ITGAV: variants seen among roughly 807,000 people sequenced by gnomAD.
ITGAV encodes the protein integrin alpha-V.
ITGAV carries 76 observed loss-of-function variants against 143.8 expected under a neutral mutation model. The observed-to-expected ratio is 0.53, with a 90% confidence interval of 0.44 to 0.64. The LOEUF (loss-of-function observed/expected upper bound fraction) is 0.64, where lower values mean the gene tolerates loss of function less well. ITGAV is among the 30% of genes least tolerant of loss of function. The probability of loss-of-function intolerance (pLI) is 0.00; values close to 1 mark genes in which losing one functional copy is unlikely to be tolerated. For missense variants in ITGAV, 1,193 were observed against 1,274.7 expected (o/e 0.94, Z 0.98); for synonymous variants, 453 against 446.7 (o/e 1.01, Z -0.18).
In ITGAV at chr2:186,668,854, T is replaced by G; in HGVS notation, c.2526T>G (p.Leu842=). 6.2e-7 allele frequency: 1 copy of G among 1,613,240 alleles called. No homozygotes were observed. Among genetic ancestry groups the G allele is most frequent in the Non-Finnish European group, 8.5e-7 (1 of 1,179,338 alleles). Residue 842 remains leucine (L), a synonymous_variant, in exon 25 of 30, where the codon CTT becomes CTG. Coordinates refer to ENST00000261023, the MANE Select transcript of ITGAV (RefSeq NM_002210.5). The stretch of plus-strand genomic sequence containing the variant: ...ATAATAACACTCTGTTGTATATCCT[T>G]CATTATGATATTGATGGACCAATGA... The part of the protein sequence containing the change: ...KYNNNTLLYI[L]HYDIDGPMNC...
At chr2:186,640,595 G>A (rs1175882330) in intron 10 of ITGAV, among the ~76,000 whole-genome samples, 1 of 152,160 alleles carries the variant, frequency 6.6e-6, no homozygotes, top group Non-Finnish European at 1.5e-5. Context: ...TGGAGAGAAA[G>A]GGAGATAGTA....
At chr2:186,623,984 A>T (rs1687606020) in intron 3 of ITGAV, among the ~76,000 whole-genome samples, 1 of 152,152 alleles carries the variant, frequency 6.6e-6, no homozygotes, top group African/African-American at 2.4e-5. Flanking sequence ...TGATTAAAAC[A>T]GTCAAGTGGC....
rs1300713321 is a variant in ITGAV, at chr2:186,656,253, A to G, written c.1571A>G (p.Gln524Arg). 3 of 1,580,588 alleles carry G rather than the reference A, an allele frequency of 1.9e-6. No individual in the cohort carries two copies. The highest frequency in any genetic ancestry group is 2.6e-6 in the Non-Finnish European group (3 of 1,168,222). Reference protein sequence around the residue: ...KGVLPRKLNFQVELLLDKLKQ... With the variant: ...KGVLPRKLNFRVELLLDKLKQ... ...AATCCTTTGGTTTACATAGATTTCC[A>G]GGTGGAACTTCTTTTGGATAAACTC... Residue 524 changes from glutamine to arginine, a missense_variant, in exon 17 of 30, where the codon CAG becomes CGG. By Grantham distance (43) the Gln-to-Arg change is conservative. Coordinates refer to ENST00000261023, the MANE Select transcript of ITGAV (RefSeq NM_002210.5).
At chr2:186,653,902 A>T (rs999256579) in intron 15 of ITGAV, among the ~76,000 whole-genome samples, 1 of 152,304 alleles carries the variant, frequency 6.6e-6, no homozygotes, top group Non-Finnish European at 1.5e-5. Flanking sequence ...TTATTAAAAA[A>T]TTTTTCTTAA....
chr2:186,661,610 T>G lies in ITGAV; in HGVS notation c.1858-2158T>G, dbSNP rs534427485. Among the ~76,000 whole-genome samples, 165 of 151,322 alleles carry G rather than the reference T, an allele frequency of 1.1e-3. 1 individual carries two copies. The highest frequency in any genetic ancestry group is 1.2e-3 in the Admixed American group (19 of 15,246). ...TTTTTTTGTTTTTGTTTTTTTTTTT[T>G]TTTTTGAGACGGAATCTTGCTCTGT... On this transcript the variant is annotated intron_variant, in intron 18 of 29. Transcript: ENST00000261023.
rs200441999 is a variant in ITGAV, at chr2:186,619,215, G to A, written c.317-3124G>A. ...AAATGTGGTGTGTGTACGTGTCTGT[G>A]TTCAGCCATAAAAAGAATGAAGTCC... On this transcript the variant is annotated intron_variant, in intron 2 of 29. Transcript: ENST00000261023. 2.0e-4 allele frequency among the ~76,000 whole-genome samples: 30 copies of A among 151,760 alleles called. No individual in the cohort carries two copies. The East Asian group carries it at 5.6e-3, about 28-fold the overall frequency.
rs552309381 is a variant in ITGAV, at chr2:186,593,814, C to A, written c.185+3291C>A. Among the ~76,000 whole-genome samples the A allele has an allele frequency of 6.6e-5, 10 of 152,106 alleles. 1 individual carries two copies. The South Asian group carries it at 2.1e-3, about 32-fold the overall frequency. On this transcript the variant is annotated intron_variant, in intron 1 of 29. Transcript: ENST00000261023. ...AGTAGAGGGTAAGGAAGGGAAGGAT[C>A]CGAAGACAGGGTGTAAAATTCAAAT... is the stretch of plus-strand genomic sequence containing the variant.
chr2:186,668,706 G>A lies in ITGAV; in HGVS notation c.2434-56G>A. On this transcript the variant is annotated intron_variant, in intron 24 of 29. Transcript: ENST00000261023. ...ATTTCTAAAGTTGATGTAGGGGAAG[G>A]ATTATGGAACAGATTTTTGCCCAAG... 4 of 1,500,424 alleles carry A rather than the reference G, an allele frequency of 2.7e-6. No homozygotes were observed. The South Asian group carries it at 4.8e-5, about 18-fold the overall frequency. The allele number at this position is 1,500,424 out of a possible 1,614,324, so 92.9% of individuals were successfully genotyped here.
At chr2:186,674,345 A>C (rs751766142) in intron 26 of ITGAV, among the ~76,000 whole-genome samples, 1 of 152,084 alleles carries the variant, frequency 6.6e-6, no homozygotes, top group Non-Finnish European at 1.5e-5. Context: ...GTATACTGAA[A>C]TATGACTCAT....
chr2:186,666,614 T>C, intron 21 of ITGAV, 90 bp from the exon 22 acceptor site: 2 of 633,386 alleles, frequency 3.2e-6, no homozygotes, highest in South Asian at 6.3e-5. Context: ...AAACCCCATT[T>C]TAGAACATTA....
At chr2:186,667,509 G>A (rs1345475647) in intron 23 of ITGAV, 162 bp from the exon 24 acceptor site, 2 of 517,598 alleles carry the variant, frequency 3.9e-6, no homozygotes, top group African/African-American at 1.9e-5. Flanking sequence ...TTTCATAAGA[G>A]CAGTTTTTGT....
chr2:186,602,176 T>G lies in ITGAV; in HGVS notation c.316+25T>G, dbSNP rs146700494. ...GGTAAATTTTGATGCACAATTTTCT[T>G]TTCATTGATTTCATTTGATTTTTTT... On this transcript the variant is annotated intron_variant, in intron 2 of 29. Coordinates refer to ENST00000261023, the MANE Select transcript of ITGAV (RefSeq NM_002210.5). 76 of 1,592,476 alleles carry G rather than the reference T, an allele frequency of 4.8e-5. No individual in the cohort carries two copies. In the African/African-American group the frequency reaches 9.6e-4, roughly 20 times the overall value.
chr2:186,602,026 T>A lies in ITGAV; in HGVS notation c.191T>A (p.Met64Lys), dbSNP rs200511786. ...DFFVPSASSR[M>K]FLLVGAPKAN... ...CTGCCGCTTTTGTATTTTAGCCGGA[T>A]GTTTCTTCTCGTGGGAGCTCCCAAA... is the stretch of plus-strand genomic sequence containing the variant. Residue 64 changes from methionine to lysine, a missense_variant, in exon 2 of 30, where the codon ATG (methionine) becomes AAG (lysine). Transcript: ENST00000261023. 1.9e-6 allele frequency: 3 copies of A among 1,608,354 alleles called. No homozygotes were observed. The highest frequency in any genetic ancestry group is 1.7e-6 in the Non-Finnish European group (2 of 1,177,738).
intron 2 of ITGAV, among the ~76,000 whole-genome samples, chr2:186,602,835 C>T (rs1393788564): frequency 6.7e-6 from 1 of 149,516 alleles, no homozygotes; most frequent in Non-Finnish European, 1.5e-5. Flanking sequence ...TGAGATTGCG[C>T]CACTGCACTC....
At chr2:186,593,810 G>A (rs1484534652) in intron 1 of ITGAV, among the ~76,000 whole-genome samples, 1 of 151,970 alleles carries the variant, frequency 6.6e-6, no homozygotes, top group Non-Finnish European at 1.5e-5. Flanking sequence ...AGGAAGGGAA[G>A]GATCCGAAGA....
At chr2:186,640,864 C>G (rs1372472697) in intron 10 of ITGAV, 51 bp from the exon 11 acceptor site, 30 of 1,414,764 alleles carry the variant, frequency 2.1e-5, no homozygotes, top group Non-Finnish European at 2.8e-5. Context: ...TGTTAATTGT[C>G]TAAACTAATT....
intron 4 of ITGAV, among the ~76,000 whole-genome samples, chr2:186,626,596 T>G (rs1687682463): frequency 6.6e-6 from 1 of 152,232 alleles, no homozygotes; most frequent in East Asian, 1.9e-4. Context: ...AAGGAACTAT[T>G]CTGTCCTCCA....
At chr2:186,607,480 T>C (rs564300462) in intron 2 of ITGAV, among the ~76,000 whole-genome samples, 6 of 152,102 alleles carry the variant, frequency 3.9e-5, no homozygotes, top group Non-Finnish European at 8.8e-5. Flanking sequence ...CCTTCCCAGA[T>C]GTCACAGGGA....
At chr2:186,674,614 C>T (rs561681080) in intron 26 of ITGAV, among the ~76,000 whole-genome samples, 4 of 152,070 alleles carry the variant, frequency 2.6e-5, no homozygotes, top group Admixed American at 6.5e-5. Context: ...CAGGTTCAAG[C>T]GATTCTCCTG....
Sources: allele counts gnomAD v4.1 joint callset (sites outside exome capture counted in the v4.1 genomes callset), GRCh38; gene constraint gnomAD v4.1.1; transcripts MANE v1.5; gene names NCBI Gene and HGNC (gene_info 2026-07-23, HGNC 2026-07-21).